TBX18: variants seen among roughly 807,000 people sequenced by gnomAD.
TBX18 encodes T-box transcription factor 18.
TBX18 carries 21 observed loss-of-function variants against 55.0 expected under a neutral mutation model. That is an observed-to-expected ratio of 0.38 (90% CI 0.27 to 0.55). The LOEUF is 0.55. Ranked by LOEUF, TBX18 falls within the 20% of genes least tolerant of loss-of-function variation. The pLI is 0.73. For synonymous variants in TBX18, 342 were observed against 326.1 expected (o/e 1.05, Z -0.53); for missense variants, 840 against 799.6 (o/e 1.05, Z -0.61).
intron 5 of TBX18, among the ~76,000 whole-genome samples, chr6:84,745,028 A>C (rs935344919): frequency 2.0e-5 from 3 of 152,140 alleles, no homozygotes; most frequent in Non-Finnish European, 4.4e-5. Flanking sequence ...TGATGCTTTC[A>C]CTTTAACTTT....
At chr6:84,760,183 A>G in intron 3 of TBX18, 72 bp downstream of exon 3, 1 of 895,244 alleles carries the variant, frequency 1.1e-6, no homozygotes, top group East Asian at 2.8e-5. Flanking sequence ...CAGTCCTCAC[A>G]GATCAAACAG....
At chr6:84,739,853 C>T (rs1316205811) in intron 6 of TBX18, among the ~76,000 whole-genome samples, 4 of 152,146 alleles carry the variant, frequency 2.6e-5, no homozygotes, top group Admixed American at 2.6e-4. Flanking sequence ...TCCATCTGTT[C>T]CAAGGCTTCA....
intron 4 of TBX18, among the ~76,000 whole-genome samples, chr6:84,750,210 G>A (rs780553266): frequency 6.6e-6 from 1 of 151,744 alleles, no homozygotes; most frequent in African/African-American, 2.4e-5. Context: ...GCTTGAATCC[G>A]GGAGGCGGAG....
chr6:84,752,310 C>G (rs965936838), intron 4 of TBX18, among the ~76,000 whole-genome samples: 9 of 152,180 alleles, frequency 5.9e-5, no homozygotes, highest in Non-Finnish European at 8.8e-5. Context: ...TCCCTGCTGA[C>G]TGGAAATTTT....
At chr6:84,753,922 C>T (rs149884502) in intron 4 of TBX18, among the ~76,000 whole-genome samples, 2 of 152,006 alleles carry the variant, frequency 1.3e-5, no homozygotes, top group African/African-American at 4.8e-5. Flanking sequence ...GAGATCATGG[C>T]TTTTATCTTA....
rs1029698221 is a variant in TBX18, at chr6:84,740,594, G to A, written c.1005-2003C>T. Among the ~76,000 whole-genome samples, 3 of 145,962 alleles carry A rather than the reference G, an allele frequency of 2.1e-5. No individual in the cohort carries two copies. The Admixed American group carries it at 2.1e-4, about 10-fold the overall frequency. ...AGTTCCAAACCACATGTTGCCTGTG[G>A]GTATGTTTAACACTGGACTAATGAA... On this transcript the variant is annotated intron_variant, in intron 6 of 7. Transcript: ENST00000369663.
At chr6:84,758,140 G>T (rs1250826106) in intron 3 of TBX18, among the ~76,000 whole-genome samples, 1 of 152,040 alleles carries the variant, frequency 6.6e-6, no homozygotes, top group Non-Finnish European at 1.5e-5. Context: ...AGAGGCGGTG[G>T]CTCATGTCTA....
Position 84,733,350 on chromosome 6 carries a change from A to G in TBX18, c.*3335T>C, listed in dbSNP as rs564346320. The G allele has an allele frequency of 2.0e-5, 3 of 152,332 alleles. No homozygotes were observed. Among genetic ancestry groups the G allele is most frequent in the East Asian group, 3.9e-4 (2 of 5,188 alleles). 9.4% of individuals were successfully genotyped at this position (152,332 alleles called of 1,614,324 possible). A position where few individuals can be genotyped will look rare whatever the true frequency, so the allele number is the denominator to read the frequency against. ...AGAAAGGATGAACAATGAGATTAAAACACAACATGGTAATAATTTAATACA... is the reference window on the plus strand; with the variant it reads ...AGAAAGGATGAACAATGAGATTAAAGCACAACATGGTAATAATTTAATACA... On this transcript the variant is annotated 3_prime_UTR_variant, in exon 8 of 8. Transcript: ENST00000369663.
chr6:84,762,694 CCTCCCGGTGACGCCAGAGGGGAAG>C lies in TBX18; in HGVS notation c.323_346del (p.Ala108_Gly115del). 2 of 1,610,780 alleles carry C rather than the reference CCTCCCGGTGACGCCAGAGGGGAAG, an allele frequency of 1.2e-6. No homozygotes were observed. The highest frequency in any genetic ancestry group is 2.2e-5 in the South Asian group (2 of 90,886). On this transcript the variant is annotated inframe_deletion, in exon 2 of 8. Transcript: ENST00000369663. ...GCGCGCCGGAGACCCCTTGGGGGAG[CCTCCCGGTGACGCCAGAGGGGAAG>C]CTCCCTGCTGGAAGCCGTCCTCACA...
chr6:84,760,092 A>C (rs1445641980), intron 3 of TBX18, among the ~76,000 whole-genome samples, 163 bp downstream of exon 3: 1 of 152,228 alleles, frequency 6.6e-6, no homozygotes, highest in African/African-American at 2.4e-5. Context: ...CCGCAAGAAA[A>C]GGCACCATCT....
intron 4 of TBX18, among the ~76,000 whole-genome samples, chr6:84,755,726 C>A (rs982834530): frequency 6.6e-6 from 1 of 152,206 alleles, no homozygotes; most frequent in African/African-American, 2.4e-5. Context: ...TAAAAATCCA[C>A]CTACTGCATT....
At chr6:84,761,895 T>C (rs116831482) in intron 2 of TBX18, among the ~76,000 whole-genome samples, 78 of 152,222 alleles carry the variant, frequency 5.1e-4, no homozygotes, top group African/African-American at 1.8e-3. Flanking sequence ...AATAAATAAA[T>C]AAATAACCAG....
chr6:84,764,517 A>C lies in TBX18; in HGVS notation c.-336T>G. 1 of 284,214 alleles carries C rather than the reference A, an allele frequency of 3.5e-6. No homozygotes were observed. Among genetic ancestry groups the C allele is most frequent in the East Asian group, 6.1e-5 (1 of 16,482 alleles). The allele number at this position is 284,214 out of a possible 1,614,324, so 17.6% of individuals were successfully genotyped here. A position where few individuals can be genotyped will look rare whatever the true frequency, so the allele number is the denominator to read the frequency against. Reference sequence around the variant, plus strand: ...GCCAGAGAGGACTAACATGGGTAAAAAACACTCTGTGGACACAAATTAGGG... The same window carrying C: ...GCCAGAGAGGACTAACATGGGTAAACAACACTCTGTGGACACAAATTAGGG... On this transcript the variant is annotated 5_prime_UTR_variant, in exon 1 of 8. Coordinates refer to ENST00000369663, the MANE Select transcript of TBX18 (RefSeq NM_001080508.3).
intron 3 of TBX18, among the ~76,000 whole-genome samples, chr6:84,759,315 C>T (rs928218911): frequency 2.6e-5 from 4 of 151,966 alleles, no homozygotes; most frequent in African/African-American, 4.8e-5. Context: ...TTCAAAAAAG[C>T]GACTCCTTAA....
chr6:84,764,120 G>C lies in TBX18; in HGVS notation c.62C>G (p.Ser21Trp). 1 of 1,583,586 alleles carries C rather than the reference G, an allele frequency of 6.3e-7. No individual in the cohort carries two copies. Among genetic ancestry groups the C allele is most frequent in the Non-Finnish European group, 8.5e-7 (1 of 1,172,938 alleles). ...SMLSLKAHAFSVEALIGAEKQ... is the reference protein window; with the variant it reads ...SMLSLKAHAFWVEALIGAEKQ... The stretch of plus-strand genomic sequence containing the variant: ...CTCGGCGCCGATCAGCGCCTCCACC[G>C]AGAAAGCGTGCGCCTTGAGGCTTAG... The change falls in exon 1 of 8, where the codon TCG (serine) becomes TGG (tryptophan). Residue 21 changes from serine (S) to tryptophan (W), a missense_variant. Coordinates refer to ENST00000369663, the MANE Select transcript of TBX18 (RefSeq NM_001080508.3).
intron 5 of TBX18, among the ~76,000 whole-genome samples, chr6:84,745,716 T>C (rs1302859934): frequency 6.6e-6 from 1 of 152,182 alleles, no homozygotes; most frequent in Non-Finnish European, 1.5e-5. Flanking sequence ...ATGTAAATGT[T>C]CATTTAAAAT....
intron 4 of TBX18, among the ~76,000 whole-genome samples, chr6:84,754,456 T>C (rs901880461): frequency 1.2e-4 from 19 of 152,354 alleles, no homozygotes; most frequent in South Asian, 6.2e-4. Flanking sequence ...CTGTATTTAT[T>C]CAACTAGTAC....
chr6:84,749,963 G>A (rs1767298188), intron 4 of TBX18, among the ~76,000 whole-genome samples: 1 of 152,114 alleles, frequency 6.6e-6, no homozygotes, highest in South Asian at 2.1e-4. Flanking sequence ...TATATTACCT[G>A]AGTAATATGT....
chr6:84,763,990 CT>C lies in TBX18; in HGVS notation c.191del (p.Lys64ArgfsTer92). 1.9e-6 allele frequency: 3 copies of C among 1,575,818 alleles called. No homozygotes were observed. On this transcript the variant is annotated frameshift_variant, in exon 1 of 8. Coordinates refer to ENST00000369663, the MANE Select transcript of TBX18 (RefSeq NM_001080508.3). LOFTEE classifies it high-confidence loss of function. ...GCSRGGGAGE[K>X]GSSEGDEGAA... ...CGCCTTCGTCTCCCTCAGAAGAACCCTTTTCGCCCGCGCCGCCGCCGCGGCT... is the reference window on the plus strand; with the variant it reads ...CGCCTTCGTCTCCCTCAGAAGAACCCTTTCGCCCGCGCCGCCGCCGCGGCT...
Sources: allele counts gnomAD v4.1 joint callset (sites outside exome capture counted in the v4.1 genomes callset), GRCh38; gene constraint gnomAD v4.1.1; transcripts MANE v1.5; gene names NCBI Gene and HGNC (gene_info 2026-07-23, HGNC 2026-07-21).